Variants in BFAR observed in about 807,000 individuals in gnomAD.
The protein encoded by BFAR is bifunctional apoptosis regulator, also known as RING finger protein 47.
In BFAR, 52 loss-of-function variants were observed where a neutral mutation model predicts 54.4. The observed-to-expected ratio is 0.96, with a 90% CI of 0.77 to 1.21. The LOEUF is 1.21. Among genes scored for constraint, BFAR ranks in the 50% most tolerant of loss-of-function variants. BFAR has a pLI of 0.00. For missense variants in BFAR, 571 were observed against 534.0 expected (o/e 1.07, Z -0.68); for synonymous variants, 215 against 204.3 (o/e 1.05, Z -0.45).
intron 5 of BFAR, among the ~76,000 whole-genome samples, chr16:14,658,954 C>T (rs1048503288): frequency 6.6e-6 from 1 of 151,252 alleles, no homozygotes; most frequent in African/African-American, 2.4e-5. Flanking sequence ...GTCATCCAGG[C>T]TGGAGTGCAA....
chr16:14,655,281 A>G (rs1209935757), intron 5 of BFAR, 71 bp downstream of exon 5: 41 of 1,093,876 alleles, frequency 3.7e-5, no homozygotes, highest in Non-Finnish European at 4.4e-5. Context: ...TTTTAATTTC[A>G]GGGTTTTCTT....
chr16:14,651,880 ATT>A (rs35251866), intron 4 of BFAR, among the ~76,000 whole-genome samples: 189 of 111,150 alleles, frequency 1.7e-3, no homozygotes, highest in African/African-American at 3.3e-3. Flanking sequence ...GACATGCCCA[ATT>A]TTTTTTTTTT....
chr16:14,654,493 CT>C (rs55673619), intron 4 of BFAR, among the ~76,000 whole-genome samples: 2,379 of 89,176 alleles, frequency 0.027, 4 homozygotes, highest in Non-Finnish European at 0.04. Context: ...GTGAGTTTTC[CT>C]TTTTTTTTTT....
At chr16:14,658,455 T>C (rs1157461273) in intron 5 of BFAR, among the ~76,000 whole-genome samples, 9 of 152,202 alleles carry the variant, frequency 5.9e-5, no homozygotes, top group Admixed American at 5.9e-4. Flanking sequence ...CATCTGTGTC[T>C]GCAGTTCCAT....
intron 3 of BFAR, among the ~76,000 whole-genome samples, chr16:14,649,414 T>C (rs990076520): frequency 1.3e-5 from 2 of 152,226 alleles, no homozygotes; most frequent in Admixed American, 1.3e-4. Context: ...ACCAGTTTAC[T>C]AACTTCCAAT....
chr16:14,660,862 T>C (rs1008747577), intron 5 of BFAR, among the ~76,000 whole-genome samples: 3 of 151,648 alleles, frequency 2.0e-5, no homozygotes, highest in Admixed American at 2.0e-4. Context: ...AAATGCACCA[T>C]TGCACTCCAG....
intron 6 of BFAR, among the ~76,000 whole-genome samples, chr16:14,662,869 C>A (rs1473745449): frequency 6.6e-6 from 1 of 152,124 alleles, no homozygotes; most frequent in Non-Finnish European, 1.5e-5. Context: ...AAGAGCCGAG[C>A]TCCCCGAGTG....
At chr16:14,652,190 A>G (rs1191466899) in intron 4 of BFAR, among the ~76,000 whole-genome samples, 4 of 151,864 alleles carry the variant, frequency 2.6e-5, no homozygotes, top group Non-Finnish European at 1.5e-5. Flanking sequence ...TAGGCCTCCA[A>G]CATTCTAACA....
At chr16:14,667,383 C>A in intron 7 of BFAR, 2 of 469,374 alleles carry the variant, frequency 4.3e-6, no homozygotes, top group Admixed American at 3.6e-5. Context: ...AGTGATGAAG[C>A]AGGTGAAGTT....
chr16:14,661,751 C>G, intron 5 of BFAR, 141 bp from the exon 6 acceptor site: 1 of 919,156 alleles, frequency 1.1e-6, no homozygotes, highest in Non-Finnish European at 1.7e-6. Context: ...ATCACTTGGC[C>G]TCTTCTTGCC....
At position 14,655,150 on chromosome 16, in the gene BFAR, G is replaced by T. The variant is rs747549284; in HGVS notation, c.723G>T (p.Met241Ile). 6.2e-7 allele frequency: 1 copy of T among 1,611,430 alleles called. No individual in the cohort carries two copies. Among genetic ancestry groups the T allele is most frequent in the Non-Finnish European group, 8.5e-7 (1 of 1,179,142 alleles). The change falls in exon 5 of 8, where the codon ATG becomes ATT. Residue 241 changes from methionine to isoleucine, a missense_variant. By Grantham distance (10) the Met-to-Ile change is conservative (BLOSUM62 1). Coordinates refer to ENST00000261658, the MANE Select transcript of BFAR (RefSeq NM_016561.3). Reference protein sequence around the residue: ...ENSSHRRAILMELERVKALGV... With the variant: ...ENSSHRRAILIELERVKALGV... ...GCAGCCACAGGAGAGCCATCCTCAT[G>T]GAGCTAGAACGTGTCAAAGCATTAG...
Position 14,667,948 on chromosome 16 carries a change from T to C in BFAR, c.*121T>C, listed in dbSNP as rs1960490977. On this transcript the variant is annotated 3_prime_UTR_variant, in exon 8 of 8. Transcript: ENST00000261658. The stretch of plus-strand genomic sequence containing the variant: ...ACCCTCAGTAAAACAAGGTGCTGCT[T>C]TGTATATCAAAAGCTCCAACCATGT... 1 of 1,092,078 alleles carries C rather than the reference T, an allele frequency of 9.2e-7. No individual in the cohort carries two copies. Among genetic ancestry groups the C allele is most frequent in the Non-Finnish European group, 1.3e-6 (1 of 752,984 alleles). The allele number at this position is 1,092,078 out of a possible 1,614,324, so 67.6% of individuals were successfully genotyped here. A position where few individuals can be genotyped will look rare whatever the true frequency, so the allele number is the denominator to read the frequency against.
At chr16:14,658,970 C>T (rs1161598647) in intron 5 of BFAR, among the ~76,000 whole-genome samples, 2 of 151,340 alleles carry the variant, frequency 1.3e-5, no homozygotes, top group Admixed American at 6.6e-5. Context: ...TGCAATGGCG[C>T]GATCTCAGCT....
At chr16:14,662,623 G>T (rs959870247) in intron 6 of BFAR, among the ~76,000 whole-genome samples, 1 of 152,028 alleles carries the variant, frequency 6.6e-6, no homozygotes, top group Non-Finnish European at 1.5e-5. Context: ...GGGCTCAAGC[G>T]ATCTTCACAC....
intron 1 of BFAR, among the ~76,000 whole-genome samples, chr16:14,640,807 C>T (rs368118481): frequency 6.6e-6 from 1 of 152,218 alleles, no homozygotes; most frequent in African/African-American, 2.4e-5. Context: ...GAGTTGGCCC[C>T]TTCTGAGAGC....
At chr16:14,658,532 C>G (rs186411519) in intron 5 of BFAR, among the ~76,000 whole-genome samples, 1 of 152,194 alleles carries the variant, frequency 6.6e-6, no homozygotes, top group East Asian at 1.9e-4. Flanking sequence ...AGGAAAACCT[C>G]CATCCTGGCT....
intron 1 of BFAR, among the ~76,000 whole-genome samples, chr16:14,640,151 C>CAAAAAAAAAAA (rs549719277): frequency 2.7e-5 from 3 of 110,302 alleles, no homozygotes; most frequent in African/African-American, 6.9e-5. Flanking sequence ...GACCTAGCTC[C>CAAAAAAAAAAA]AAAAAAAAAA....
At position 14,648,536 on chromosome 16, in the gene BFAR, C is replaced by A; in HGVS notation, c.412C>A (p.Gln138Lys). The A allele has an allele frequency of 1.2e-6, 2 of 1,614,062 alleles. No homozygotes were observed. The highest frequency in any genetic ancestry group is 1.7e-6 in the Non-Finnish European group (2 of 1,179,970). ...PLAPNTGRAN[Q>K]QMGGGFFSGV... ...AGCTCCTAACACAGGCCGAGCGAAT[C>A]AGCAGATGGGAGGGGGATTCTTTTC... The change falls in exon 3 of 8, where the codon CAG becomes AAG. Residue 138 changes from glutamine to lysine, a missense_variant. Gln to Lys is a moderately conservative substitution (Grantham distance 53). Transcript: ENST00000261658.
At chr16:14,658,873 A>T (rs1290470614) in intron 5 of BFAR, among the ~76,000 whole-genome samples, 2 of 151,422 alleles carry the variant, frequency 1.3e-5, no homozygotes, top group Non-Finnish European at 1.5e-5. Context: ...CAATATCACC[A>T]TTGTACACCC....
Sources: allele counts gnomAD v4.1 joint callset (sites outside exome capture counted in the v4.1 genomes callset), GRCh38; gene constraint gnomAD v4.1.1; transcripts MANE v1.5; gene names NCBI Gene and HGNC (gene_info 2026-07-23, HGNC 2026-07-21).